Variants in MERTK observed in about 807,000 individuals in gnomAD.
MERTK encodes the protein MER proto-oncogene, tyrosine kinase.
MERTK carries 69 observed loss-of-function variants against 99.3 expected under a neutral mutation model. The observed-to-expected ratio is 0.70, with a 90% confidence interval of 0.57 to 0.85. The LOEUF is 0.85. Ranked by LOEUF, MERTK falls within the 40% of genes least tolerant of loss-of-function variation. The probability of loss-of-function intolerance (pLI) is 0.00; values close to 1 mark genes in which losing one functional copy is unlikely to be tolerated. For missense variants in MERTK, 1,125 were observed against 1,249.4 expected (o/e 0.90, Z 1.50); for synonymous variants, 426 against 467.6 (o/e 0.91, Z 1.15).
intron 4 of MERTK, among the ~76,000 whole-genome samples, chr2:111,954,901 A>G (rs1685120400): frequency 6.6e-6 from 1 of 152,184 alleles, no homozygotes; most frequent in Non-Finnish European, 1.5e-5. Context: ...AGAACTACGT[A>G]AAAACTTATT....
chr2:111,946,723 A>G (rs1441973546), intron 3 of MERTK, among the ~76,000 whole-genome samples: 1 of 152,182 alleles, frequency 6.6e-6, no homozygotes, highest in Non-Finnish European at 1.5e-5. Context: ...CTCTGCGTTT[A>G]TTTTGGTAAG....
intron 18 of MERTK, among the ~76,000 whole-genome samples, chr2:112,022,857 A>G (rs1677384653): frequency 6.6e-6 from 1 of 152,152 alleles, no homozygotes; most frequent in African/African-American, 2.4e-5. Context: ...ATCTAAACCA[A>G]TGACTTTGGG....
chr2:111,902,805 C>T (rs116206576), intron 1 of MERTK, among the ~76,000 whole-genome samples: 244 of 6,848 alleles, frequency 0.036, no homozygotes, highest in African/African-American at 0.051. Flanking sequence ...TCCCTCCCTC[C>T]CTCTATTTCT....
intron 4 of MERTK, among the ~76,000 whole-genome samples, chr2:111,951,521 C>CCATATATATATATATATATATA (rs1685053924): frequency 4.7e-5 from 1 of 21,504 alleles, no homozygotes; most frequent in Non-Finnish European, 9.9e-5. Context: ...AATAATATTC[C>CCATATATATATATATATATATA]CATATATATA....
intron 1 of MERTK, among the ~76,000 whole-genome samples, chr2:111,901,874 T>A (rs540417137): frequency 1.3e-5 from 2 of 152,022 alleles, no homozygotes; most frequent in East Asian, 3.9e-4. Flanking sequence ...TTTTAAAAAA[T>A]TAACAATAAT....
chr2:111,910,279 T>TG (rs1368833530), intron 1 of MERTK, among the ~76,000 whole-genome samples: 4 of 151,210 alleles, frequency 2.6e-5, no homozygotes, highest in East Asian at 3.9e-4. Context: ...TTTTGTTTTT[T>TG]TTTTTTTGAG....
chr2:112,005,360 C>T (rs1284789144), intron 13 of MERTK, among the ~76,000 whole-genome samples: 1 of 152,218 alleles, frequency 6.6e-6, no homozygotes, highest in Non-Finnish European at 1.5e-5. Flanking sequence ...GCATGAGCCA[C>T]TTCACCCAGC....
At chr2:111,963,230 G>T (rs1219184035) in intron 4 of MERTK, among the ~76,000 whole-genome samples, 2 of 152,232 alleles carry the variant, frequency 1.3e-5, no homozygotes, top group South Asian at 2.1e-4. Flanking sequence ...CCAGCCCTAA[G>T]GCGGTTTTCC....
Position 111,983,136 on chromosome 2 carries a change from A to G in MERTK, c.1296+143A>G, listed in dbSNP as rs1676406287. 8 of 898,450 alleles carry G rather than the reference A, an allele frequency of 8.9e-6. No homozygotes were observed. In the South Asian group the frequency reaches 1.2e-4, roughly 14 times the overall value. 55.7% of individuals were successfully genotyped at this position (898,450 alleles called of 1,614,324 possible). On this transcript the variant is annotated intron_variant, in intron 8 of 18. Coordinates refer to ENST00000295408, the MANE Select transcript of MERTK (RefSeq NM_006343.3). ...GGCACCTTTCAGGGGAACATAAAGA[A>G]TATAGTAAATATTAGAGGTGACTGA...
intron 15 of MERTK, among the ~76,000 whole-genome samples, chr2:112,014,141 C>T (rs1677164985): frequency 6.6e-6 from 1 of 151,952 alleles, no homozygotes; most frequent in Non-Finnish European, 1.5e-5. Context: ...CCTGCCTCAG[C>T]CTCCCGAGTA....
At chr2:112,014,426 A>C (rs1365370085) in intron 15 of MERTK, among the ~76,000 whole-genome samples, 1 of 152,068 alleles carries the variant, frequency 6.6e-6, no homozygotes, top group African/African-American at 2.4e-5. Flanking sequence ...GGCCTCCCGA[A>C]GTGCTGGGAT....
intron 6 of MERTK, among the ~76,000 whole-genome samples, chr2:111,970,789 TCCTCCTCCTC>T (rs1676099160): frequency 7.8e-5 from 1 of 12,884 alleles, no homozygotes; most frequent in African/African-American, 3.0e-4. Flanking sequence ...TCCTCCTCCC[TCCTCCTCCTC>T]CCCCCTCCTC....
intron 8 of MERTK, among the ~76,000 whole-genome samples, chr2:111,989,804 A>G (rs1267654324): frequency 6.6e-6 from 1 of 152,234 alleles, no homozygotes; most frequent in Non-Finnish European, 1.5e-5. Flanking sequence ...TACTTTTCTG[A>G]CTGTCAAGAT....
chr2:111,904,001 C>T (rs1318851080), intron 1 of MERTK, among the ~76,000 whole-genome samples: 1 of 152,078 alleles, frequency 6.6e-6, no homozygotes, highest in Admixed American at 6.6e-5. Flanking sequence ...GTTCAGAATG[C>T]TTTGGTGAAG....
chr2:111,963,808 C>T (rs1234667766), intron 4 of MERTK, among the ~76,000 whole-genome samples: 1 of 152,198 alleles, frequency 6.6e-6, no homozygotes, highest in African/African-American at 2.4e-5. Context: ...CTTTTCCCCA[C>T]AGACAGGTTT....
Position 111,923,008 on chromosome 2 carries a change from A to T in MERTK, c.62-6112A>T, listed in dbSNP as rs183872873. Reference sequence around the variant, plus strand: ...CTGAGCCACTGTAATTGTGTGTCATAGGCATGCTGACAGCCTCTCCAAGTT... The same window carrying T: ...CTGAGCCACTGTAATTGTGTGTCATTGGCATGCTGACAGCCTCTCCAAGTT... On this transcript the variant is annotated intron_variant, in intron 1 of 18. Transcript: ENST00000295408. Among the ~76,000 whole-genome samples, 272 of 152,354 alleles carry T rather than the reference A, an allele frequency of 1.8e-3. 6 individuals carry two copies. Among genetic ancestry groups the T allele is most frequent in the Non-Finnish European group, 4.4e-4 (30 of 68,038 alleles).
At chr2:111,917,224 C>T (rs1234430913) in intron 1 of MERTK, among the ~76,000 whole-genome samples, 1 of 152,168 alleles carries the variant, frequency 6.6e-6, no homozygotes, top group African/African-American at 2.4e-5. Flanking sequence ...ATGGTCCTCA[C>T]ACCAGTCAGT....
chr2:111,988,090 C>T (rs965770032), intron 8 of MERTK, among the ~76,000 whole-genome samples: 1 of 151,312 alleles, frequency 6.6e-6, no homozygotes, highest in African/African-American at 2.4e-5. Flanking sequence ...CCCAGAGAAC[C>T]AAGTTCTTTG....
At chr2:111,910,802 G>A (rs1684233027) in intron 1 of MERTK, among the ~76,000 whole-genome samples, 1 of 152,038 alleles carries the variant, frequency 6.6e-6, no homozygotes, top group African/African-American at 2.4e-5. Context: ...TTTTGTAGAA[G>A]TAAAAAGTAG....
Sources: gnomAD v4.1 joint callset for allele counts (sites outside exome capture counted in the v4.1 genomes callset) on GRCh38, gnomAD v4.1.1 for gene constraint, MANE v1.5 for transcripts, NCBI Gene and HGNC (gene_info 2026-07-23, HGNC 2026-07-21) for gene names.